The following HS6ST3 variants were observed in gnomAD, a reference collection of about 807,000 sequenced individuals.
HS6ST3 encodes heparan-sulfate 6-O-sulfotransferase 3.
A neutral mutation model predicts 36.7 loss-of-function variants in HS6ST3; 12 were observed. That is an observed-to-expected ratio of 0.33 (90% CI 0.21 to 0.53). The LOEUF is 0.53. Among genes scored for constraint, HS6ST3 ranks in the 20% least tolerant of loss-of-function variants. HS6ST3 has a pLI of 0.95. For missense variants in HS6ST3, 584 were observed against 640.9 expected, an observed-to-expected ratio of 0.91 and a Z score of 0.96; for synonymous variants, 240 against 257.5, an observed-to-expected ratio of 0.93 and a Z score of 0.65.
Position 96,617,941 on chromosome 13 carries a change from C to T in HS6ST3, c.708-214549C>T, listed in dbSNP as rs371087792. ...AAAACAACTAAGAATAACATCCCAT[C>T]TTAGGAAAGTCCAGGTAACACAACT... On this transcript the variant is annotated intron_variant, in intron 1 of 1. Transcript: ENST00000376705. Among the ~76,000 whole-genome samples, 60 of 152,316 alleles carry T rather than the reference C, an allele frequency of 3.9e-4. 1 individual carries two copies. The East Asian group carries it at 0.01, about 26-fold the overall frequency.
At chr13:96,524,054 C>T (rs1259427311) in intron 1 of HS6ST3, among the ~76,000 whole-genome samples, 1 of 152,120 alleles carries the variant, frequency 6.6e-6, no homozygotes, top group Non-Finnish European at 1.5e-5. Flanking sequence ...GTGTGGATGT[C>T]CTTCTTGTTG....
intron 1 of HS6ST3, among the ~76,000 whole-genome samples, chr13:96,143,773 C>G (rs1476009339): frequency 6.6e-6 from 1 of 152,092 alleles, no homozygotes; most frequent in South Asian, 2.1e-4. Context: ...CCCTCTGTTT[C>G]TTTTCTTTCT....
chr13:96,259,440 A>G (rs2054653493), intron 1 of HS6ST3, among the ~76,000 whole-genome samples: 1 of 152,186 alleles, frequency 6.6e-6, no homozygotes, highest in Admixed American at 6.5e-5. Context: ...GGGAAGAGCA[A>G]TGGGATAGGT....
intron 1 of HS6ST3, among the ~76,000 whole-genome samples, chr13:96,647,455 C>CT (rs548366997): frequency 2.2e-4 from 33 of 151,930 alleles, no homozygotes; most frequent in Non-Finnish European, 2.4e-4. Context: ...TCCTAATGCC[C>CT]TTTTTTTCAG....
intron 1 of HS6ST3, among the ~76,000 whole-genome samples, chr13:96,414,366 C>A (rs1430503830): frequency 6.6e-6 from 1 of 152,132 alleles, no homozygotes; most frequent in African/African-American, 2.4e-5. Flanking sequence ...ATTAGTCTGA[C>A]CTTTTAATTT....
intron 1 of HS6ST3, among the ~76,000 whole-genome samples, chr13:96,489,303 T>C (rs903225839): frequency 6.6e-6 from 1 of 151,856 alleles, no homozygotes; most frequent in Non-Finnish European, 1.5e-5. Flanking sequence ...TGTTAATTAG[T>C]GGCTCTGAAT....
At chr13:96,699,063 G>C (rs1222791335) in intron 1 of HS6ST3, among the ~76,000 whole-genome samples, 8 of 152,090 alleles carry the variant, frequency 5.3e-5, no homozygotes, top group South Asian at 2.1e-4. Flanking sequence ...AAAGCTGAAA[G>C]TGGATCCCTT....
At chr13:96,391,072 A>G (rs552292104) in intron 1 of HS6ST3, among the ~76,000 whole-genome samples, 1 of 152,004 alleles carries the variant, frequency 6.6e-6, no homozygotes, top group East Asian at 1.9e-4. Flanking sequence ...ATCTCTACTC[A>G]CGTGATCTTT....
At chr13:96,696,095 T>C (rs997576007) in intron 1 of HS6ST3, among the ~76,000 whole-genome samples, 4 of 152,120 alleles carry the variant, frequency 2.6e-5, no homozygotes, top group African/African-American at 9.7e-5. Flanking sequence ...GTAGGAGATA[T>C]GTATTAAGAA....
At chr13:96,271,505 T>G (rs1195904827) in intron 1 of HS6ST3, among the ~76,000 whole-genome samples, 1 of 151,934 alleles carries the variant, frequency 6.6e-6, no homozygotes, top group Non-Finnish European at 1.5e-5. Context: ...CCCATGAGTA[T>G]GTAAGCTCCT....
At chr13:96,506,445 A>C (rs939676173) in intron 1 of HS6ST3, among the ~76,000 whole-genome samples, 3 of 152,188 alleles carry the variant, frequency 2.0e-5, no homozygotes, top group African/African-American at 7.2e-5. Flanking sequence ...TACTATATAC[A>C]AGTGGGGAAA....
chr13:96,538,724 G>A (rs1175447423), intron 1 of HS6ST3, among the ~76,000 whole-genome samples: 3 of 152,112 alleles, frequency 2.0e-5, no homozygotes, highest in African/African-American at 4.8e-5. Flanking sequence ...GATTACAGGC[G>A]TGAGCCACCA....
At chr13:96,563,878 A>C (rs539125378) in intron 1 of HS6ST3, among the ~76,000 whole-genome samples, 7 of 152,282 alleles carry the variant, frequency 4.6e-5, no homozygotes, top group Non-Finnish European at 8.8e-5. Flanking sequence ...CCCAAGCCTG[A>C]GGCTCATGCC....
At chr13:96,141,716 C>T (rs1594692016) in intron 1 of HS6ST3, among the ~76,000 whole-genome samples, 1 of 152,048 alleles carries the variant, frequency 6.6e-6, no homozygotes, top group South Asian at 2.1e-4. Context: ...CCAAAGTGAT[C>T]GACTTGCTCC....
intron 1 of HS6ST3, among the ~76,000 whole-genome samples, chr13:96,814,235 G>C (rs1400036506): frequency 6.6e-6 from 1 of 152,064 alleles, no homozygotes; most frequent in Non-Finnish European, 1.5e-5. Context: ...AGAGTGCAAA[G>C]AAAGCAAATA....
chr13:96,203,573 C>A (rs1594715016), intron 1 of HS6ST3, among the ~76,000 whole-genome samples: 1 of 152,194 alleles, frequency 6.6e-6, no homozygotes, highest in Admixed American at 6.5e-5. Flanking sequence ...TAATTTGCTT[C>A]CACTGTCTTC....
intron 1 of HS6ST3, among the ~76,000 whole-genome samples, chr13:96,412,729 C>G (rs900865253): frequency 2.0e-5 from 3 of 151,926 alleles, no homozygotes; most frequent in Admixed American, 6.6e-5. Context: ...TTTGTAGGCG[C>G]TCAGTAGAAA....
At chr13:96,463,482 A>G (rs1042258642) in intron 1 of HS6ST3, among the ~76,000 whole-genome samples, 1 of 152,162 alleles carries the variant, frequency 6.6e-6, no homozygotes, top group African/African-American at 2.4e-5. Context: ...GAAAGAGAAA[A>G]CTATAAAATG....
intron 1 of HS6ST3, among the ~76,000 whole-genome samples, chr13:96,785,167 TA>T (rs74362954): frequency 1.1e-3 from 165 of 143,482 alleles, no homozygotes; most frequent in African/African-American, 1.7e-3. Flanking sequence ...AGACCCTGTC[TA>T]AAAAAAAAAA....
Sources: allele counts gnomAD v4.1 joint callset (sites outside exome capture counted in the v4.1 genomes callset), GRCh38; gene constraint gnomAD v4.1.1; transcripts MANE v1.5; gene names NCBI Gene and HGNC (gene_info 2026-07-23, HGNC 2026-07-21).